The following BRCA1 variants were observed in gnomAD, a reference collection of about 807,000 sequenced individuals.
BRCA1 encodes the protein BRCA1 DNA repair associated, also known as breast cancer type 1 susceptibility protein.
In BRCA1, 140 loss-of-function variants were observed where a neutral mutation model predicts 173.7. The observed-to-expected ratio is 0.81, with a 90% CI of 0.70 to 0.93. BRCA1 has a LOEUF of 0.93. Among genes scored for constraint, BRCA1 ranks in the 40% least tolerant of loss-of-function variants. BRCA1 has a pLI of 0.00. For synonymous variants in BRCA1, 662 were observed against 756.0 expected (o/e 0.88, Z 2.04); for missense variants, 1,983 against 2,172.5 (o/e 0.91, Z 1.73).
intron 12 of BRCA1, chr17:43,079,567 T>C (rs561655234): frequency 3.4e-6 from 3 of 881,566 alleles, no homozygotes; most frequent in Admixed American, 1.7e-5. Flanking sequence ...AGAGAATTAA[T>C]GTGCGTATTG....
chr17:43,142,914 TTG>T (rs369108034), intron 1 of BRCA1, among the ~76,000 whole-genome samples: 4,256 of 140,444 alleles, frequency 0.03, 137 homozygotes, highest in African/African-American at 0.074. Flanking sequence ...CGGCTAATTT[TTG>T]TGTGTGTGTG....
intron 10 of BRCA1, 102 bp from the exon 11 acceptor site, chr17:43,091,134 T>C (rs1434140818): frequency 8.7e-7 from 1 of 1,151,196 alleles, no homozygotes; most frequent in Non-Finnish European, 1.3e-6. Flanking sequence ...TTTACTTTCA[T>C]GTCACACAAA....
intron 1 of BRCA1, among the ~76,000 whole-genome samples, chr17:43,135,037 T>G (rs2056004913): frequency 1.3e-5 from 2 of 152,206 alleles, no homozygotes; most frequent in African/African-American, 4.8e-5. Context: ...ATGGTTTCGT[T>G]GTGGGTGGAG....
At chr17:43,128,351 A>G (rs1374584858), upstream of BRCA1, among the ~76,000 whole-genome samples, 1 of 152,272 alleles carries the variant, frequency 6.6e-6, no homozygotes, top group Non-Finnish European at 1.5e-5. Flanking sequence ...TCCTGAAGCC[A>G]GCGAGACCAC....
intron 21 of BRCA1, 25 bp from the exon 22 acceptor site, chr17:43,047,728 A>G: frequency 6.2e-7 from 1 of 1,613,408 alleles, no homozygotes; most frequent in Non-Finnish European, 8.5e-7. Flanking sequence ...AGGAAAGAGC[A>G]TTCAAAGTGT....
chr17:43,079,887 G>C lies in BRCA1; in HGVS notation c.4357+2517C>G, dbSNP rs192830629. 2.8e-4 allele frequency: 184 copies of C among 645,640 alleles called. No homozygotes were observed. In the African/African-American group the frequency reaches 3.2e-3, roughly 11 times the overall value. 40.0% of individuals were successfully genotyped at this position (645,640 alleles called of 1,614,324 possible). On this transcript the variant is annotated intron_variant, in intron 12 of 22. Coordinates refer to ENST00000357654, the MANE Select transcript of BRCA1 (RefSeq NM_007294.4). ...TAAATTCCTCTTCTTACTACAATGG[G>C]CCTCATGCAATGAAGCAAATAAGAT...
intron 1 of BRCA1, chr17:43,145,113 A>T: frequency 1.4e-6 from 1 of 720,592 alleles, no homozygotes; most frequent in Admixed American, 1.8e-5. Context: ...GTGCAAAAAA[A>T]GGGAAAAGGG....
At chr17:43,065,375 A>T (rs187817658) in intron 16 of BRCA1, among the ~76,000 whole-genome samples, 25 of 152,220 alleles carry the variant, frequency 1.6e-4, no homozygotes, top group African/African-American at 5.8e-4. Flanking sequence ...CTCTGTGAAA[A>T]GAATCATCAT....
At chr17:43,152,446 T>C (rs33926631) in intron 1 of BRCA1, among the ~76,000 whole-genome samples, 48,125 of 151,976 alleles carry the variant, frequency 0.32, 7,946 homozygotes, top group South Asian at 0.49. Context: ...CCAGGCCGGG[T>C]GCAGTGGCTC....
chr17:43,128,621 G>T (rs9889706), upstream of BRCA1, among the ~76,000 whole-genome samples: 2,235 of 152,224 alleles, frequency 0.015, 45 homozygotes, highest in African/African-American at 0.051. Flanking sequence ...ACTATCTTGG[G>T]AACATGGAGT....
chr17:43,132,222 G>C (rs2055973129), intron 1 of BRCA1, among the ~76,000 whole-genome samples: 1 of 152,104 alleles, frequency 6.6e-6, no homozygotes, highest in Non-Finnish European at 1.5e-5. Context: ...AGGGCCAAGG[G>C]GGGTTGTGAC....
At chr17:43,104,092 G>C (rs781140529) in intron 6 of BRCA1, 30 bp downstream of exon 6, 1 of 1,585,000 alleles carries the variant, frequency 6.3e-7, no homozygotes, top group Admixed American at 1.7e-5. Context: ...AAAAGAAGAA[G>C]AAGAAGAAGA....
intron 6 of BRCA1, among the ~76,000 whole-genome samples, chr17:43,103,296 G>C (rs1158872841): frequency 6.6e-6 from 1 of 151,786 alleles, no homozygotes; most frequent in African/African-American, 2.4e-5. Flanking sequence ...GTGAAACCCC[G>C]ACTCTACTAA....
intron 3 of BRCA1, among the ~76,000 whole-genome samples, chr17:43,115,330 T>C (rs1322125226): frequency 6.6e-6 from 1 of 151,894 alleles, no homozygotes; most frequent in African/African-American, 2.4e-5. Flanking sequence ...GGTGAAACCT[T>C]ATCTCTACTA....
Position 43,093,408 on chromosome 17 carries a change from G to A in BRCA1, c.2123C>T (p.Ser708Phe), listed in dbSNP as rs80357182. 1.5e-5 allele frequency: 25 copies of A among 1,614,034 alleles called. No individual in the cohort carries two copies. The highest frequency in any genetic ancestry group is 2.0e-5 in the Non-Finnish European group (24 of 1,179,992). ...ACTGGTATTTGAACACTTAGTAAAA[G>A]AACCAGGTGCATTTGTTAACTTCAG... ...PELKLTNAPG[S>F]FTKCSNTSEL... The change falls in exon 10 of 23, where the codon TCT becomes TTT. Residue 708 changes from serine to phenylalanine, a missense_variant. By Grantham distance (155) the Ser-to-Phe change is radical. Coordinates refer to ENST00000357654, the MANE Select transcript of BRCA1 (RefSeq NM_007294.4).
chr17:43,137,161 C>T (rs1429867385), intron 1 of BRCA1, among the ~76,000 whole-genome samples: 4 of 151,626 alleles, frequency 2.6e-5, no homozygotes, highest in Non-Finnish European at 5.9e-5. Context: ...AACCATCATT[C>T]TGAGCAAACT....
chr17:43,107,401 G>A (rs1477768244), intron 3 of BRCA1, among the ~76,000 whole-genome samples: 1 of 83,024 alleles, frequency 1.2e-5, no homozygotes, highest in Non-Finnish European at 2.4e-5. Flanking sequence ...TTTTTTTTTT[G>A]AGACAGACTC....
chr17:43,046,732 T>G (rs1031177666), intron 22 of BRCA1, among the ~76,000 whole-genome samples: 4 of 140,276 alleles, frequency 2.9e-5, no homozygotes, highest in African/African-American at 1.1e-4. Flanking sequence ...TCCAGCCTGC[T>G]AAGTGACAGA....
chr17:43,108,706 C>CA (rs35561635), intron 3 of BRCA1, among the ~76,000 whole-genome samples: 5,514 of 16,020 alleles, frequency 0.34, 1,839 homozygotes, highest in South Asian at 0.41. Context: ...GACTCTGTCT[C>CA]AAAAAAAAAA....
Sources: allele counts gnomAD v4.1 joint callset (sites outside exome capture counted in the v4.1 genomes callset), GRCh38; gene constraint gnomAD v4.1.1; transcripts MANE v1.5; gene names NCBI Gene and HGNC (gene_info 2026-07-23, HGNC 2026-07-21).